Variants in SIAH2 observed in about 807,000 individuals in gnomAD.
SIAH2 encodes the protein siah E3 ubiquitin protein ligase 2.
A neutral mutation model predicts 20.4 loss-of-function variants in SIAH2; 4 were observed. The ratio of observed to expected loss-of-function variants is 0.20; its 90% CI spans 0.10 to 0.45. The LOEUF is 0.45. Among genes scored for constraint, SIAH2 ranks in the 20% least tolerant of loss-of-function variants. The pLI, the probability that SIAH2 is intolerant of heterozygous loss-of-function variation, is 0.99. For synonymous variants in SIAH2, 171 were observed against 192.5 expected, an observed-to-expected ratio of 0.89 and a Z score of 0.93; for missense variants, 259 against 440.3, an observed-to-expected ratio of 0.59 and a Z score of 3.69.
intron 1 of SIAH2, among the ~76,000 whole-genome samples, chr3:150,749,219 T>C (rs902842296): frequency 6.6e-6 from 1 of 152,016 alleles, no homozygotes; most frequent in South Asian, 2.1e-4. Context: ...AAAAACATGG[T>C]CAGGCAAGGT....
At chr3:150,761,453 T>C (rs1199739461) in intron 1 of SIAH2, among the ~76,000 whole-genome samples, 2 of 152,232 alleles carry the variant, frequency 1.3e-5, no homozygotes, top group Non-Finnish European at 2.9e-5. Context: ...ATATGTGTGA[T>C]AATATGAATT....
Position 150,762,678 on chromosome 3 carries a change from G to C in SIAH2, c.172C>G (p.Pro58Ala). The C allele has an allele frequency of 7.1e-7, 1 of 1,404,452 alleles. No individual in the cohort carries two copies. The highest frequency in any genetic ancestry group is 9.3e-7 in the Non-Finnish European group (1 of 1,078,014). 87.0% of individuals were successfully genotyped at this position (1,404,452 alleles called of 1,614,324 possible). Reference protein sequence around the residue: ...VPAAAAVISGPGGGGGAGPVS... With the variant: ...VPAAAAVISGAGGGGGAGPVS... ...GGGCCGGCCCCGCCGCCGCCGCCGGGGCCCGAGATCACCGCCGCCGCGGCG... is the reference window on the plus strand; with the variant it reads ...GGGCCGGCCCCGCCGCCGCCGCCGGCGCCCGAGATCACCGCCGCCGCGGCG... The change falls in exon 1 of 2, where the codon CCC (proline) becomes GCC (alanine). Residue 58 changes from proline to alanine, a missense_variant. Coordinates refer to ENST00000312960, the MANE Select transcript of SIAH2 (RefSeq NM_005067.7). The surrounding 1 kb of genome is among the most constrained non-coding windows in gnomAD (Gnocchi z 6.6).
rs1714124207 is a variant in SIAH2 at position 150,742,846 on chromosome 3, T to C, written c.418-148A>G. On this transcript the variant is annotated intron_variant, in intron 1 of 1. Transcript: ENST00000312960. The surrounding 1 kb of genome is among the most constrained non-coding windows in gnomAD (Gnocchi z 4.8). ...TCAAAGCAAGTGAAATATTCAAGAC[T>C]AAAAGTCTCCGTCTCTATTCATCAT... 1.4e-5 allele frequency: 8 copies of C among 590,016 alleles called. No homozygotes were observed. 36.5% of individuals were successfully genotyped at this position (590,016 alleles called of 1,614,324 possible).
chr3:150,759,667 C>T (rs1335455446), intron 1 of SIAH2, among the ~76,000 whole-genome samples: 1 of 151,862 alleles, frequency 6.6e-6, no homozygotes, highest in Non-Finnish European at 1.5e-5. Context: ...CATTTAACCA[C>T]TCTGTAGGCA....
Position 150,760,476 on chromosome 3 carries a change from T to C in SIAH2, c.417+1957A>G, listed in dbSNP as rs369860637. On this transcript the variant is annotated intron_variant, in intron 1 of 1. Transcript: ENST00000312960. ...AACTACTCTTCAAGGTTGATTTCAG[T>C]AGCCTGTTTCACGTTAGGAAAGAAC... Among the ~76,000 whole-genome samples the C allele has an allele frequency of 1.4e-4, 22 of 152,322 alleles. No individual in the cohort carries two copies. In the East Asian group the frequency reaches 2.5e-3, roughly 17 times the overall value.
intron 1 of SIAH2, among the ~76,000 whole-genome samples, chr3:150,759,008 G>C (rs1322807397): frequency 6.6e-6 from 1 of 151,942 alleles, no homozygotes; most frequent in Non-Finnish European, 1.5e-5. Context: ...GCCTCCCAAA[G>C]TGCTGGGATT....
At position 150,741,424 on chromosome 3, in the gene SIAH2, G is replaced by A. The variant is rs1350393922; in HGVS notation, c.*717C>T. 2 of 152,604 alleles carry A rather than the reference G, an allele frequency of 1.3e-5. No homozygotes were observed. Among genetic ancestry groups the A allele is most frequent in the East Asian group, 1.9e-4 (1 of 5,192 alleles). 9.5% of individuals were successfully genotyped at this position (152,604 alleles called of 1,614,324 possible). Reference sequence around the variant, plus strand: ...GTGAGTGGCCAAATCTCAGGCGTGCGTTCATGTGGATCTATAGTTCTAGTT... The same window carrying A: ...GTGAGTGGCCAAATCTCAGGCGTGCATTCATGTGGATCTATAGTTCTAGTT... On this transcript the variant is annotated 3_prime_UTR_variant, in exon 2 of 2. Coordinates refer to ENST00000312960, the MANE Select transcript of SIAH2 (RefSeq NM_005067.7).
chr3:150,755,736 C>T (rs1394767191), intron 1 of SIAH2, among the ~76,000 whole-genome samples: 1 of 151,530 alleles, frequency 6.6e-6, no homozygotes, highest in Non-Finnish European at 1.5e-5. Context: ...AGGCTGGTCT[C>T]GAACTCCCAA....
intron 1 of SIAH2, among the ~76,000 whole-genome samples, chr3:150,751,418 T>C (rs1462148319): frequency 6.9e-6 from 1 of 144,264 alleles, no homozygotes; most frequent in Admixed American, 6.7e-5. Flanking sequence ...AGAGAGACTC[T>C]GTCTCTTAAG....
intron 1 of SIAH2, among the ~76,000 whole-genome samples, chr3:150,744,690 C>A (rs1317742686): frequency 6.6e-6 from 1 of 152,116 alleles, no homozygotes; most frequent in African/African-American, 2.4e-5. Context: ...GAAACAAGCT[C>A]TCAATATCTG....
rs1440946207 is a variant in SIAH2 at position 150,762,317 on chromosome 3, C to CTTTCTTT, written c.417+115_417+116insAAAGAAA. On this transcript the variant is annotated intron_variant, in intron 1 of 1. Transcript: ENST00000312960. The surrounding 1 kb of genome is among the most constrained non-coding windows in gnomAD (Gnocchi z 6.6). The stretch of plus-strand genomic sequence containing the variant: ...GGTGGACGAAGTGTAAACATTTTTT[C>CTTTCTTT]TTTTTTTTTTTTAAATGAGAGATGC... The CTTTCTTT allele has an allele frequency of 2.6e-6, 3 of 1,160,902 alleles. No homozygotes were observed. The highest frequency in any genetic ancestry group is 1.6e-5 in the African/African-American group (1 of 61,506). The allele number at this position is 1,160,902 out of a possible 1,614,324, so 71.9% of individuals were successfully genotyped here. A position where few individuals can be genotyped will look rare whatever the true frequency, so the allele number is the denominator to read the frequency against.
chr3:150,743,452 A>C (rs1220766266), intron 1 of SIAH2, among the ~76,000 whole-genome samples: 1 of 152,148 alleles, frequency 6.6e-6, no homozygotes, highest in Non-Finnish European at 1.5e-5. Context: ...TTAACATGAG[A>C]AGGGCCTAAC....
At chr3:150,750,723 A>G (rs1183948479) in intron 1 of SIAH2, among the ~76,000 whole-genome samples, 1 of 152,148 alleles carries the variant, frequency 6.6e-6, no homozygotes, top group Non-Finnish European at 1.5e-5. Context: ...TGGCAGTGAG[A>G]AGGTTTATAG....
At chr3:150,756,399 G>A (rs780395994) in intron 1 of SIAH2, among the ~76,000 whole-genome samples, 13 of 152,196 alleles carry the variant, frequency 8.5e-5, no homozygotes, top group Non-Finnish European at 1.9e-4. Flanking sequence ...GAACGGCCAT[G>A]TCTCACAAAT....
At chr3:150,746,651 G>A (rs761673456) in intron 1 of SIAH2, among the ~76,000 whole-genome samples, 6 of 152,220 alleles carry the variant, frequency 3.9e-5, no homozygotes, top group Non-Finnish European at 7.3e-5. Context: ...AGCTCTCCAG[G>A]CATGGCCAAA....
intron 1 of SIAH2, among the ~76,000 whole-genome samples, chr3:150,746,268 C>T (rs1714210109): frequency 6.6e-6 from 1 of 152,076 alleles, no homozygotes. Flanking sequence ...TGGTGGCATG[C>T]ACCTGTAATC....
Position 150,742,148 on chromosome 3 carries a change from C to A in SIAH2, c.968G>T (p.Cys323Phe). The A allele has an allele frequency of 6.2e-7, 1 of 1,607,548 alleles. No homozygotes were observed. Among genetic ancestry groups the A allele is most frequent in the Non-Finnish European group, 8.5e-7 (1 of 1,175,006 alleles). ...LGINVTISTC[C>F]P Reference sequence around the variant, plus strand: ...AGGTTTACGAAAGTCACATCATGGACAACATGTAGAAATAGTAACATTGAT... The same window carrying A: ...AGGTTTACGAAAGTCACATCATGGAAAACATGTAGAAATAGTAACATTGAT... Residue 323 changes from cysteine to phenylalanine, a missense_variant, in exon 2 of 2, where the codon TGT (cysteine) becomes TTT (phenylalanine). Physicochemically the swap from Cys to Phe is radical, Grantham distance 205. This residue lies in a region of SIAH2 where 160 missense variants were observed against 327.6 expected (regional missense o/e 0.49). Transcript: ENST00000312960. The surrounding 1 kb of genome is among the most constrained non-coding windows in gnomAD (Gnocchi z 4.8).
At chr3:150,754,211 G>A (rs2108122706) in intron 1 of SIAH2, among the ~76,000 whole-genome samples, 1 of 152,304 alleles carries the variant, frequency 6.6e-6, no homozygotes, top group African/African-American at 2.4e-5. Context: ...AAAGAAAAGA[G>A]GTTTAATTGG....
intron 1 of SIAH2, among the ~76,000 whole-genome samples, chr3:150,745,368 C>G (rs1714188341): frequency 6.6e-6 from 1 of 152,158 alleles, no homozygotes; most frequent in African/African-American, 2.4e-5. Flanking sequence ...ATCAGGGGCT[C>G]TCATCCAGGG....
Sources: allele counts gnomAD v4.1 joint callset (sites outside exome capture counted in the v4.1 genomes callset), GRCh38; gene constraint gnomAD v4.1.1; regional missense constraint gnomAD v4.1.1; non-coding constraint Gnocchi (gnomAD v3.1); transcripts MANE v1.5; gene names NCBI Gene and HGNC (gene_info 2026-07-23, HGNC 2026-07-21).